PEBP4: variants seen among roughly 807,000 people sequenced by gnomAD.
PEBP4 encodes the protein phosphatidylethanolamine-binding protein 4.
PEBP4 carries 22 observed loss-of-function variants against 23.9 expected under a neutral mutation model. The ratio of observed to expected loss-of-function variants is 0.92; its 90% CI spans 0.66 to 1.31. PEBP4 has a LOEUF of 1.31. Ranked by LOEUF, PEBP4 falls within the 40% of genes most tolerant of loss-of-function variation. The probability of loss-of-function intolerance (pLI) is 0.00; values close to 1 mark genes in which losing one functional copy is unlikely to be tolerated. For missense variants in PEBP4, 324 were observed against 281.7 expected (o/e 1.15, Z -1.07); for synonymous variants, 112 against 99.3 (o/e 1.13, Z -0.76).
chr8:22,804,830 C>T (rs368300190), intron 4 of PEBP4, among the ~76,000 whole-genome samples: 6 of 152,272 alleles, frequency 3.9e-5, no homozygotes, highest in African/African-American at 1.2e-4. Flanking sequence ...GACCTCATCT[C>T]TTCCATGCTG....
chr8:22,861,332 C>T (rs999627580), intron 3 of PEBP4, among the ~76,000 whole-genome samples: 1 of 152,186 alleles, frequency 6.6e-6, no homozygotes, highest in African/African-American at 2.4e-5. Flanking sequence ...ACCAGACTTC[C>T]CAAGTGCTTT....
At chr8:22,808,774 C>T (rs1186136585) in intron 4 of PEBP4, among the ~76,000 whole-genome samples, 3 of 152,234 alleles carry the variant, frequency 2.0e-5, no homozygotes, top group Non-Finnish European at 1.5e-5. Flanking sequence ...TATATGTTGG[C>T]CTTGTCTTTC....
chr8:22,766,842 A>C (rs1400535163), intron 4 of PEBP4, among the ~76,000 whole-genome samples: 1 of 152,206 alleles, frequency 6.6e-6, no homozygotes, highest in Admixed American at 6.5e-5. Flanking sequence ...GGTGGGTCAC[A>C]GCACAGGCCT....
At chr8:22,889,489 G>A (rs1808448843) in intron 3 of PEBP4, among the ~76,000 whole-genome samples, 1 of 152,132 alleles carries the variant, frequency 6.6e-6, no homozygotes, top group Admixed American at 6.5e-5. Flanking sequence ...ATGGTAAATG[G>A]GAGAGAAAAA....
rs1375549033 is a variant in PEBP4, at chr8:22,856,039, C to A, written c.259-38304G>T. ...CACTCCAGCCTGGGCGAGGGTGAGA[C>A]CCTGTCTCAAAAAAAAAAAAAAAAA... On this transcript the variant is annotated intron_variant, in intron 3 of 6. Coordinates refer to ENST00000256404, the MANE Select transcript of PEBP4 (RefSeq NM_144962.3). Among the ~76,000 whole-genome samples, 5 of 120,164 alleles carry A rather than the reference C, an allele frequency of 4.2e-5. No homozygotes were observed. In the Admixed American group the frequency reaches 4.5e-4, roughly 11 times the overall value. The allele number at this position is 120,164 out of a possible 152,430, so 78.8% of individuals were successfully genotyped here.
chr8:22,822,801 G>T lies in PEBP4; in HGVS notation c.259-5066C>A, dbSNP rs1585292442. On this transcript the variant is annotated intron_variant, in intron 3 of 6. Transcript: ENST00000256404. Reference sequence around the variant, plus strand: ...AAACATTATTGATGCACAAAAGAAGGAAACTTGGATAGAAAAAGAAATACA... The same window carrying T: ...AAACATTATTGATGCACAAAAGAAGTAAACTTGGATAGAAAAAGAAATACA... 1.3e-5 allele frequency among the ~76,000 whole-genome samples: 2 copies of T among 151,982 alleles called. 1 individual carries two copies. Among genetic ancestry groups the T allele is most frequent in the African/African-American group, 4.8e-5 (2 of 41,534 alleles).
At chr8:22,723,710 C>T (rs1326127818) in intron 6 of PEBP4, among the ~76,000 whole-genome samples, 4 of 152,246 alleles carry the variant, frequency 2.6e-5, no homozygotes, top group African/African-American at 4.8e-5. Context: ...AACAGATTCA[C>T]GGATTGGCAA....
At chr8:22,911,446 C>T (rs1325656105) in intron 3 of PEBP4, among the ~76,000 whole-genome samples, 1 of 152,200 alleles carries the variant, frequency 6.6e-6, no homozygotes, top group Non-Finnish European at 1.5e-5. Flanking sequence ...CAGCAGCTCC[C>T]CACAGCAGAG....
intron 4 of PEBP4, among the ~76,000 whole-genome samples, chr8:22,742,991 G>A (rs1176674134): frequency 6.6e-6 from 1 of 152,132 alleles, no homozygotes; most frequent in Non-Finnish European, 1.5e-5. Context: ...CTTTCTGGAG[G>A]AGGCTGCATA....
chr8:22,722,885 G>C (rs1174402760), intron 6 of PEBP4, among the ~76,000 whole-genome samples: 1 of 151,574 alleles, frequency 6.6e-6, no homozygotes, highest in African/African-American at 2.4e-5. Flanking sequence ...CTGTTCTCCT[G>C]CCTCAGCCTC....
intron 4 of PEBP4, among the ~76,000 whole-genome samples, chr8:22,777,917 A>G (rs181785057): frequency 2.0e-5 from 3 of 152,174 alleles, no homozygotes; most frequent in Admixed American, 2.0e-4. Flanking sequence ...CTCCTTCGTT[A>G]CAGCCCCCCT....
At chr8:22,907,381 G>A (rs188488399) in intron 3 of PEBP4, among the ~76,000 whole-genome samples, 2 of 152,250 alleles carry the variant, frequency 1.3e-5, no homozygotes, top group Admixed American at 6.5e-5. Context: ...GTGTGGTGGT[G>A]CACACCTGTA....
intron 6 of PEBP4, among the ~76,000 whole-genome samples, chr8:22,718,517 A>C (rs1354586218): frequency 2.6e-5 from 4 of 152,202 alleles, no homozygotes; most frequent in Admixed American, 1.3e-4. Context: ...CCTGGGGCTC[A>C]TGGAGATTTC....
chr8:22,858,431 G>C (rs148243097), intron 3 of PEBP4, among the ~76,000 whole-genome samples: 10 of 152,318 alleles, frequency 6.6e-5, no homozygotes, highest in African/African-American at 2.4e-4. Context: ...GGAGCATACA[G>C]AATATATCCT....
chr8:22,925,309 C>G (rs763402305), intron 2 of PEBP4: 8 of 985,254 alleles, frequency 8.1e-6, no homozygotes, highest in Non-Finnish European at 9.6e-6. Flanking sequence ...AATGGGCCCC[C>G]TTGACTCGAG....
intron 2 of PEBP4, among the ~76,000 whole-genome samples, chr8:22,921,603 C>T (rs1413342670): frequency 6.6e-6 from 1 of 152,248 alleles, no homozygotes; most frequent in African/African-American, 2.4e-5. Flanking sequence ...AGCCCCGGAC[C>T]AGGACACTTC....
At chr8:22,901,159 G>A (rs776002934) in intron 3 of PEBP4, among the ~76,000 whole-genome samples, 2 of 152,080 alleles carry the variant, frequency 1.3e-5, no homozygotes, top group Non-Finnish European at 2.9e-5. Flanking sequence ...TATATTCCAC[G>A]GACAGGCCTG....
intron 3 of PEBP4, among the ~76,000 whole-genome samples, chr8:22,877,622 C>G (rs1402339334): frequency 6.9e-6 from 1 of 145,536 alleles, no homozygotes; most frequent in Non-Finnish European, 1.5e-5. Flanking sequence ...CTGGGCTGGG[C>G]TGAGCCCAGC....
At chr8:22,760,311 AACC>A (rs1381066574) in intron 4 of PEBP4, among the ~76,000 whole-genome samples, 2 of 152,066 alleles carry the variant, frequency 1.3e-5, no homozygotes, top group African/African-American at 2.4e-5. Flanking sequence ...CCTCCCTCCT[AACC>A]ACTAAATTAT....
Sources: gnomAD v4.1 joint callset for allele counts (sites outside exome capture counted in the v4.1 genomes callset) on GRCh38, gnomAD v4.1.1 for gene constraint, MANE v1.5 for transcripts, NCBI Gene and HGNC (gene_info 2026-07-23, HGNC 2026-07-21) for gene names.